Variants in SYT1 observed in about 807,000 individuals in gnomAD.
SYT1 encodes synaptotagmin-1.
In SYT1, 8 loss-of-function variants were observed where a neutral mutation model predicts 44.8. That is an observed-to-expected ratio of 0.18 (90% CI 0.10 to 0.32). The LOEUF (loss-of-function observed/expected upper bound fraction) is 0.32, where lower values mean the gene tolerates loss of function less well. Ranked by LOEUF, SYT1 falls within the 10% of genes least tolerant of loss-of-function variation. The pLI, the probability that SYT1 is intolerant of heterozygous loss-of-function variation, is 1.00. For synonymous variants in SYT1, 154 were observed against 188.8 expected (o/e 0.82, Z 1.51); for missense variants, 286 against 509.3 (o/e 0.56, Z 4.22).
At chr12:79,393,543 C>A (rs1260920184) in intron 9 of SYT1, 1 of 152,196 alleles carries the variant, frequency 6.6e-6, no homozygotes, top group African/African-American at 2.4e-5. Flanking sequence ...ATTTGCATTT[C>A]TCTGATGACC....
chr12:79,075,251 C>T (rs1392686756), intron 3 of SYT1, among the ~76,000 whole-genome samples: 3 of 152,166 alleles, frequency 2.0e-5, no homozygotes, highest in Non-Finnish European at 4.4e-5. Context: ...TAGTGAATTT[C>T]TCTTTTTGGT....
At chr12:78,980,265 A>G (rs1191494907) in intron 2 of SYT1, among the ~76,000 whole-genome samples, 1 of 152,186 alleles carries the variant, frequency 6.6e-6, no homozygotes, top group Non-Finnish European at 1.5e-5. Context: ...AAAAATCTAC[A>G]TTAGTTCTAG....
intron 8 of SYT1, among the ~76,000 whole-genome samples, chr12:79,319,149 A>T (rs1881237522): frequency 2.6e-5 from 4 of 152,182 alleles, no homozygotes; most frequent in Non-Finnish European, 5.9e-5. Flanking sequence ...TCGCAGTAGG[A>T]TTACCTAATT....
At chr12:78,977,223 C>G (rs1057252322) in intron 1 of SYT1, among the ~76,000 whole-genome samples, 12 of 152,090 alleles carry the variant, frequency 7.9e-5, no homozygotes, top group Non-Finnish European at 1.6e-4. Context: ...TTAGTATGTG[C>G]AGTATTTCAA....
intron 2 of SYT1, among the ~76,000 whole-genome samples, chr12:79,043,143 C>G (rs1159325815): frequency 2.0e-5 from 3 of 150,546 alleles, no homozygotes; most frequent in East Asian, 2.0e-4. Context: ...CTATTAGGTC[C>G]GCTTGGTGCA....
At chr12:78,975,214 C>T (rs1269464664) in intron 1 of SYT1, among the ~76,000 whole-genome samples, 2 of 151,014 alleles carry the variant, frequency 1.3e-5, no homozygotes, top group Non-Finnish European at 2.9e-5. Flanking sequence ...TTTCACTCTT[C>T]AAGGGTCTTT....
chr12:79,007,962 G>A (rs974998650), intron 2 of SYT1, among the ~76,000 whole-genome samples: 2 of 151,990 alleles, frequency 1.3e-5, no homozygotes, highest in Non-Finnish European at 2.9e-5. Flanking sequence ...TGGAGATATA[G>A]TAATAAATAT....
chr12:79,153,602 A>G (rs1870411865), intron 3 of SYT1, among the ~76,000 whole-genome samples: 1 of 152,146 alleles, frequency 6.6e-6, no homozygotes, highest in South Asian at 2.1e-4. Context: ...TATGATAATC[A>G]AACTATGCAG....
chr12:79,391,530 A>G (rs1046836883), intron 9 of SYT1, among the ~76,000 whole-genome samples: 34 of 152,228 alleles, frequency 2.2e-4, no homozygotes, highest in African/African-American at 8.2e-4. Flanking sequence ...AACACAGTCC[A>G]TAGGTCATTA....
In SYT1 at chr12:79,220,444, T is replaced by C. The variant is rs140071072; in HGVS notation, c.166+2759T>C. On this transcript the variant is annotated intron_variant, in intron 4 of 10. Transcript: ENST00000261205. The stretch of plus-strand genomic sequence containing the variant: ...CTCTGATTTTTGTTGTTTCCTTCCT[T>C]TACTAAATTTGAGCTTAGTTTGTCT... 7.2e-3 allele frequency among the ~76,000 whole-genome samples: 1,091 copies of C among 152,110 alleles called. 5 individuals carry two copies. The highest frequency in any genetic ancestry group is 0.037 in the Middle Eastern group (11 of 294).
chr12:79,108,133 A>G (rs181635711), intron 3 of SYT1, among the ~76,000 whole-genome samples: 1 of 151,998 alleles, frequency 6.6e-6, no homozygotes, highest in South Asian at 2.1e-4. Flanking sequence ...AGATGAAGAT[A>G]TGCACCAAGC....
chr12:78,933,271 T>C (rs1473205213), intron 1 of SYT1, among the ~76,000 whole-genome samples: 2 of 152,254 alleles, frequency 1.3e-5, no homozygotes, highest in East Asian at 3.9e-4. Flanking sequence ...TGTGAGCCTG[T>C]CTTGTCTAAA....
chr12:79,281,886 T>C (rs1879070853), intron 4 of SYT1, among the ~76,000 whole-genome samples: 1 of 152,296 alleles, frequency 6.6e-6, no homozygotes, highest in Non-Finnish European at 1.5e-5. Context: ...AAATCTGAAA[T>C]TGGTTTCACT....
chr12:79,070,812 C>A (rs1876220271), intron 3 of SYT1, among the ~76,000 whole-genome samples: 1 of 152,012 alleles, frequency 6.6e-6, no homozygotes, highest in African/African-American at 2.4e-5. Flanking sequence ...ATTCTCGAAA[C>A]CTCAATATCA....
At chr12:79,233,786 G>C (rs180838868) in intron 4 of SYT1, among the ~76,000 whole-genome samples, 45 of 152,312 alleles carry the variant, frequency 3.0e-4, no homozygotes, top group Non-Finnish European at 3.5e-4. Flanking sequence ...GAAAGGCAAG[G>C]TACTTCCATA....
At chr12:79,335,473 T>C (rs1882050450) in intron 8 of SYT1, among the ~76,000 whole-genome samples, 1 of 152,004 alleles carries the variant, frequency 6.6e-6, no homozygotes, top group Non-Finnish European at 1.5e-5. Context: ...AGGCAGTGGT[T>C]TCCCTTTCCT....
intron 9 of SYT1, among the ~76,000 whole-genome samples, chr12:79,408,671 G>A (rs966415200): frequency 2.0e-5 from 3 of 151,294 alleles, no homozygotes; most frequent in African/African-American, 7.3e-5. Flanking sequence ...TCATTTCTTT[G>A]AATTTGTCCT....
chr12:79,338,851 A>T (rs1882220939), intron 8 of SYT1, among the ~76,000 whole-genome samples: 1 of 151,568 alleles, frequency 6.6e-6, no homozygotes, highest in South Asian at 2.1e-4. Context: ...CCCGTGTGTG[A>T]TGTTCCCCAC....
intron 9 of SYT1, among the ~76,000 whole-genome samples, chr12:79,375,953 T>C (rs1422904175): frequency 6.6e-6 from 1 of 152,242 alleles, no homozygotes; most frequent in East Asian, 1.9e-4. Context: ...ATAAATATGT[T>C]GTATCATTTA....
Sources: gnomAD v4.1 joint callset for allele counts (sites outside exome capture counted in the v4.1 genomes callset) on GRCh38, gnomAD v4.1.1 for gene constraint, MANE v1.5 for transcripts, NCBI Gene and HGNC (gene_info 2026-07-23, HGNC 2026-07-21) for gene names.